RRBP1: variants seen among roughly 807,000 people sequenced by gnomAD.
RRBP1 encodes ribosome binding protein 1.
RRBP1 carries 94 observed loss-of-function variants against 165.2 expected under a neutral mutation model. The ratio of observed to expected loss-of-function variants is 0.57; its 90% CI spans 0.48 to 0.68. RRBP1 has a LOEUF of 0.68. Among genes scored for constraint, RRBP1 ranks in the 30% least tolerant of loss-of-function variants. RRBP1 has a pLI of 0.00. For synonymous variants in RRBP1, 680 were observed against 714.5 expected, an observed-to-expected ratio of 0.95 and a Z score of 0.77; for missense variants, 1,676 against 1,763.0, an observed-to-expected ratio of 0.95 and a Z score of 0.88.
At position 17,613,890 on chromosome 20, in the gene RRBP1, T is replaced by A; in HGVS notation, c.*292A>T. Reference sequence around the variant, plus strand: ...CAGACAGACCCCAGAGCGCCCGGCCTCCCACACACCCACGGGGCTGTCAGA... The same window carrying A: ...CAGACAGACCCCAGAGCGCCCGGCCACCCACACACCCACGGGGCTGTCAGA... On this transcript the variant is annotated 3_prime_UTR_variant, in exon 25 of 25. Transcript: ENST00000377813. 1 of 317,398 alleles carries A rather than the reference T, an allele frequency of 3.2e-6. No homozygotes were observed. The allele number at this position is 317,398 out of a possible 1,614,324, so 19.7% of individuals were successfully genotyped here.
rs1247351456 is a variant in RRBP1 at position 17,643,623 on chromosome 20, C to G, written c.1913-496G>C. 6.6e-6 allele frequency among the ~76,000 whole-genome samples: 1 copy of G among 152,174 alleles called. No individual in the cohort carries two copies. Among genetic ancestry groups the G allele is most frequent in the African/African-American group, 2.4e-5 (1 of 41,446 alleles). On this transcript the variant is annotated intron_variant, in intron 3 of 24. Coordinates refer to ENST00000377813, the MANE Select transcript of RRBP1 (RefSeq NM_001365613.2). The surrounding 1 kb of genome is among the most constrained non-coding windows in gnomAD (Gnocchi z 4.3). The stretch of plus-strand genomic sequence containing the variant: ...CACACAGACACCCAGAGCCACACTC[C>G]TGCAGCCACAGGAGGAGCACAGAAG...
At chr20:17,662,518 T>C (rs1221282723) in intron 2 of RRBP1, among the ~76,000 whole-genome samples, 4 of 152,120 alleles carry the variant, frequency 2.6e-5, no homozygotes, top group Non-Finnish European at 4.4e-5. Context: ...TTAGGGGAGC[T>C]CATGGAGGCC....
At chr20:17,632,777 G>A (rs2036176192) in intron 8 of RRBP1, among the ~76,000 whole-genome samples, 1 of 152,204 alleles carries the variant, frequency 6.6e-6, no homozygotes, top group South Asian at 2.1e-4. Flanking sequence ...CCAGCAGACG[G>A]ATGGGAATTC....
At chr20:17,627,146 G>A (rs536701088) in intron 11 of RRBP1, among the ~76,000 whole-genome samples, 2 of 151,896 alleles carry the variant, frequency 1.3e-5, no homozygotes, top group South Asian at 2.1e-4. Flanking sequence ...TGATCACGAA[G>A]CTCTCTGCAA....
intron 3 of RRBP1, among the ~76,000 whole-genome samples, chr20:17,650,492 C>T (rs1027332951): frequency 2.6e-5 from 4 of 152,190 alleles, no homozygotes; most frequent in African/African-American, 4.8e-5. Context: ...TACCCACCCC[C>T]GTCCATTAGG....
chr20:17,681,456 C>T (rs1420546144), intron 1 of RRBP1, among the ~76,000 whole-genome samples: 4 of 147,384 alleles, frequency 2.7e-5, no homozygotes, highest in African/African-American at 9.8e-5. Flanking sequence ...GAAGCGCCAG[C>T]GGGCCGCGGC....
rs1002101546 is a variant in RRBP1, at chr20:17,658,389, C to A, written c.1912+207G>T. On this transcript the variant is annotated intron_variant, in intron 3 of 24. Transcript: ENST00000377813. ...ACCAGATTGAGGCAGAGCCACCAAC[C>A]GAGAAAGCTCACATCTGCCAACCTC... Among the ~76,000 whole-genome samples, 6 of 152,154 alleles carry A rather than the reference C, an allele frequency of 3.9e-5. No individual in the cohort carries two copies. The South Asian group carries it at 1.0e-3, about 26-fold the overall frequency.
At chr20:17,633,715 T>C in intron 7 of RRBP1, 102 bp from the exon 8 acceptor site, 1 of 1,241,910 alleles carries the variant, frequency 8.1e-7, no homozygotes, top group Non-Finnish European at 1.1e-6. Context: ...AAGTAAGCAG[T>C]TGCCCAAGTC....
At chr20:17,627,782 G>T in intron 9 of RRBP1, 100 bp from the exon 10 acceptor site, 1 of 1,179,094 alleles carries the variant, frequency 8.5e-7, no homozygotes, top group Non-Finnish European at 1.2e-6. Context: ...GTGGGGCACC[G>T]AGGGCTTCCT....
In RRBP1 at chr20:17,651,293, T is replaced by C. The variant is rs548065373; in HGVS notation, c.1912+7303A>G. Among the ~76,000 whole-genome samples, 7 of 152,336 alleles carry C rather than the reference T, an allele frequency of 4.6e-5. No individual in the cohort carries two copies. The South Asian group carries it at 1.2e-3, about 27-fold the overall frequency. On this transcript the variant is annotated intron_variant, in intron 3 of 24. Coordinates refer to ENST00000377813, the MANE Select transcript of RRBP1 (RefSeq NM_001365613.2). ...GAAAACAAATCTTGTGGGCCTCTCA[T>C]CGTAAATTGTGAAACGTTTCTGGAA... is the stretch of plus-strand genomic sequence containing the variant.
chr20:17,669,188 C>G (rs749678217), intron 2 of RRBP1, among the ~76,000 whole-genome samples: 17 of 152,102 alleles, frequency 1.1e-4, no homozygotes, highest in Non-Finnish European at 2.1e-4. Context: ...CTATTATAAG[C>G]CTTTGCTTAT....
At position 17,633,357 on chromosome 20, in the gene RRBP1, C is replaced by T. The variant is rs1335422898; in HGVS notation, c.2610+103G>A. On this transcript the variant is annotated intron_variant, in intron 8 of 24. Transcript: ENST00000377813. ...CATCTGTCCCAGTCAAGGCTAGAAACGGGTGCCCAGTGTGGCACGGCCAGC... is the reference window on the plus strand; with the variant it reads ...CATCTGTCCCAGTCAAGGCTAGAAATGGGTGCCCAGTGTGGCACGGCCAGC... The T allele has an allele frequency of 7.9e-6, 10 of 1,263,134 alleles. No homozygotes were observed. The East Asian group carries it at 1.4e-4, about 18-fold the overall frequency. The allele number at this position is 1,263,134 out of a possible 1,614,324, so 78.2% of individuals were successfully genotyped here.
intron 9 of RRBP1, 98 bp downstream of exon 9, chr20:17,629,725 C>T: frequency 1.5e-6 from 2 of 1,316,196 alleles, no homozygotes; most frequent in Non-Finnish European, 2.1e-6. Flanking sequence ...ACCCAACAGG[C>T]CTAACCCACT....
rs1355800658 is a variant in RRBP1 at position 17,614,848 on chromosome 20, A to G, written c.4083T>C (p.Ser1361=). Reference sequence around the variant, plus strand: ...GTCTCGTGGCGGCGCGCCCCAGGTCACTTGTTAACTTCTTCTCTTTTTCTA... The same window carrying G: ...GTCTCGTGGCGGCGCGCCCCAGGTCGCTTGTTAACTTCTTCTCTTTTTCTA... The part of the protein sequence containing the change: ...ERLEKEKKLT[S]DLGRAATRLQ... Residue 1361 remains serine (S), a synonymous_variant, in exon 24 of 25, where the codon AGT becomes AGC. Coordinates refer to ENST00000377813, the MANE Select transcript of RRBP1 (RefSeq NM_001365613.2). 1 of 1,613,690 alleles carries G rather than the reference A, an allele frequency of 6.2e-7. No homozygotes were observed. The highest frequency in any genetic ancestry group is 1.7e-5 in the Admixed American group (1 of 60,024).
Position 17,658,863 on chromosome 20 carries a change from T to C in RRBP1, c.1645A>G (p.Lys549Glu). The change falls in exon 3 of 25, where the codon AAG becomes GAG. Residue 549 changes from lysine to glutamate, a missense_variant. Transcript: ENST00000377813. The part of the protein sequence containing the change: ...KGEGAPIQGK[K>E]ADSVANQGTK... ...CCCTGATTAGCAACCGAATCTGCCT[T>C]TTTGCCCTGGATGGGAGCTCCCTCT... is the stretch of plus-strand genomic sequence containing the variant. 2 of 1,613,912 alleles carry C rather than the reference T, an allele frequency of 1.2e-6. No individual in the cohort carries two copies. The highest frequency in any genetic ancestry group is 2.2e-5 in the South Asian group (2 of 91,082).
At position 17,643,163 on chromosome 20, in the gene RRBP1, C is replaced by G; in HGVS notation, c.1913-36G>C. 1.2e-6 allele frequency: 2 copies of G among 1,605,168 alleles called. No individual in the cohort carries two copies. Among genetic ancestry groups the G allele is most frequent in the Non-Finnish European group, 1.7e-6 (2 of 1,176,352 alleles). On this transcript the variant is annotated intron_variant, in intron 3 of 24. Transcript: ENST00000377813. This position sits in a 1 kb window ranked among gnomAD's most constrained non-coding sequence, Gnocchi z 4.3. ...AGAGGGAAAGAGCTGAGACTTAGGCCCATAAGCCACAACACACGTGGCCAC... is the reference window on the plus strand; with the variant it reads ...AGAGGGAAAGAGCTGAGACTTAGGCGCATAAGCCACAACACACGTGGCCAC...
rs1432532094 is a variant in RRBP1 at position 17,661,443 on chromosome 20, GACA to G, written c.-21-918_-21-916del. Among the ~76,000 whole-genome samples, 4 of 152,264 alleles carry G rather than the reference GACA, an allele frequency of 2.6e-5. No individual in the cohort carries two copies. The South Asian group carries it at 8.3e-4, about 32-fold the overall frequency. ...ACAGTGTCAGCAGGCCCCTCTGTCAGACAACACTCCCCAAACCATAAGAATGAA... is the reference window on the plus strand; with the variant it reads ...ACAGTGTCAGCAGGCCCCTCTGTCAGACACTCCCCAAACCATAAGAATGAA... On this transcript the variant is annotated intron_variant, in intron 2 of 24. Transcript: ENST00000377813.
intron 4 of RRBP1, 152 bp from the exon 5 acceptor site, chr20:17,642,071 A>G: frequency 6.7e-6 from 6 of 898,526 alleles, no homozygotes; most frequent in Non-Finnish European, 1.0e-5. Context: ...ACTTGTGGGG[A>G]AAGGCGGCCC....
At chr20:17,626,713 T>C (rs6075227) in intron 11 of RRBP1, among the ~76,000 whole-genome samples, 151,149 of 152,296 alleles carry the variant, frequency 0.99, 75,018 homozygotes, top group Middle Eastern at 1. Flanking sequence ...CCAGAAGTGA[T>C]GGTCACAAGG....
Sources: gnomAD v4.1 joint callset for allele counts (sites outside exome capture counted in the v4.1 genomes callset) on GRCh38, gnomAD v4.1.1 for gene constraint, Gnocchi (gnomAD v3.1) non-coding constraint, MANE v1.5 for transcripts, NCBI Gene and HGNC (gene_info 2026-07-23, HGNC 2026-07-21) for gene names.